Variants in RFTN1 observed in about 807,000 individuals in gnomAD.
RFTN1 encodes raftlin.
RFTN1 carries 26 observed loss-of-function variants against 46.5 expected under a neutral mutation model. That is an observed-to-expected ratio of 0.56 (90% CI 0.41 to 0.78). The LOEUF is 0.78. Ranked by LOEUF, RFTN1 falls within the 30% of genes least tolerant of loss-of-function variation. RFTN1 has a pLI of 0.00. For missense variants in RFTN1, 693 were observed against 718.7 expected (o/e 0.96, Z 0.41); for synonymous variants, 261 against 284.2 (o/e 0.92, Z 0.82).
intron 3 of RFTN1, among the ~76,000 whole-genome samples, chr3:16,417,445 G>A (rs1313680259): frequency 6.6e-6 from 1 of 152,150 alleles, no homozygotes; most frequent in East Asian, 1.9e-4. Context: ...AAGTAGATTT[G>A]GACACTGAGC....
chr3:16,485,622 T>C (rs2076436685), intron 2 of RFTN1, among the ~76,000 whole-genome samples: 1 of 152,210 alleles, frequency 6.6e-6, no homozygotes, highest in Non-Finnish European at 1.5e-5. Flanking sequence ...AGATCAGCAG[T>C]TGGCTGGGTC....
At chr3:16,330,639 G>A (rs1404541014) in intron 7 of RFTN1, among the ~76,000 whole-genome samples, 1 of 152,228 alleles carries the variant, frequency 6.6e-6, no homozygotes, top group Non-Finnish European at 1.5e-5. Context: ...CACACCTGGA[G>A]TGTTAAAAAA....
At position 16,327,354 on chromosome 3, in the gene RFTN1, G is replaced by A. The variant is rs910030326; in HGVS notation, c.1147-478C>T. On this transcript the variant is annotated intron_variant, in intron 7 of 9. Coordinates refer to ENST00000334133, the MANE Select transcript of RFTN1 (RefSeq NM_015150.2). This position sits in a 1 kb window ranked among gnomAD's most constrained non-coding sequence, Gnocchi z 4.2. ...TGCACATCCACATGTGTGTGTACAC[G>A]CAGAAGCTGCTTTGCCTGTGTTATG... Among the ~76,000 whole-genome samples the A allele has an allele frequency of 4.6e-5, 7 of 152,182 alleles. No individual in the cohort carries two copies. The highest frequency in any genetic ancestry group is 1.2e-4 in the African/African-American group (5 of 41,458).
At position 16,358,430 on chromosome 3, in the gene RFTN1, G is replaced by GTT. The variant is rs11456149; in HGVS notation, c.1031-385_1031-384dup. 1.1e-3 allele frequency among the ~76,000 whole-genome samples: 164 copies of GTT among 149,174 alleles called. 1 individual carries two copies. Among genetic ancestry groups the GTT allele is most frequent in the Middle Eastern group, 3.5e-3 (1 of 284 alleles). Reference sequence around the variant, plus strand: ...AGAAGCAAACTATATTTAGGTGAGGGTTTTTTTTTTCTTTTTTCTTTTTTT... The same window carrying GTT: ...AGAAGCAAACTATATTTAGGTGAGGGTTTTTTTTTTTTCTTTTTTCTTTTTTT... On this transcript the variant is annotated intron_variant, in intron 6 of 9. Transcript: ENST00000334133.
intron 4 of RFTN1, among the ~76,000 whole-genome samples, chr3:16,386,328 C>T (rs1377828394): frequency 3.3e-5 from 5 of 152,210 alleles, no homozygotes; most frequent in African/African-American, 7.2e-5. Context: ...TTACTGAGAG[C>T]TTACTGTATG....
rs2074960370 is a variant in RFTN1 at position 16,410,381 on chromosome 3, T to TATGTGG, written c.333-904_333-899dup. Among the ~76,000 whole-genome samples, 1 of 151,890 alleles carries TATGTGG rather than the reference T, an allele frequency of 6.6e-6. No individual in the cohort carries two copies. The highest frequency in any genetic ancestry group is 1.5e-5 in the Non-Finnish European group (1 of 67,960). On this transcript the variant is annotated intron_variant, in intron 3 of 9. Coordinates refer to ENST00000334133, the MANE Select transcript of RFTN1 (RefSeq NM_015150.2). This position sits in a 1 kb window ranked among gnomAD's most constrained non-coding sequence, Gnocchi z 4.6. The stretch of plus-strand genomic sequence containing the variant: ...GTACCCCTGGGGAATGGGGAAGGCT[T>TATGTGG]ATGTGGATGGGGATGGGGATGGGTG...
At chr3:16,357,166 G>T (rs933973722) in intron 7 of RFTN1, among the ~76,000 whole-genome samples, 1 of 149,544 alleles carries the variant, frequency 6.7e-6, no homozygotes. Flanking sequence ...AAAAAACCAA[G>T]AATTCAGTTC....
At position 16,346,703 on chromosome 3, in the gene RFTN1, C is replaced by T. The variant is rs1386575618; in HGVS notation, c.1146+11229G>A. Among the ~76,000 whole-genome samples the T allele has an allele frequency of 6.6e-6, 1 of 152,176 alleles. No homozygotes were observed. The stretch of plus-strand genomic sequence containing the variant: ...TCTCTGTTGTGGGTTTCTGGGAAAG[C>T]TTTTACTTGCTAATAAAAAGGGACG... On this transcript the variant is annotated intron_variant, in intron 7 of 9. Transcript: ENST00000334133. The surrounding 1 kb of genome is among the most constrained non-coding windows in gnomAD (Gnocchi z 4.4).
In RFTN1 at chr3:16,353,932, T is replaced by G. The variant is rs376409892; in HGVS notation, c.1146+4000A>C. The stretch of plus-strand genomic sequence containing the variant: ...CGTTTAATCCGTCTAGTCTGGTATT[T>G]TGTTATGGCAGCCCAAGCAGACTAA... On this transcript the variant is annotated intron_variant, in intron 7 of 9. Transcript: ENST00000334133. The surrounding 1 kb of genome is among the most constrained non-coding windows in gnomAD (Gnocchi z 5.4). Among the ~76,000 whole-genome samples, 1 of 152,200 alleles carries G rather than the reference T, an allele frequency of 6.6e-6. No individual in the cohort carries two copies.
chr3:16,326,592 T>A (rs954841145), intron 8 of RFTN1, among the ~76,000 whole-genome samples, 181 bp downstream of exon 8: 1 of 152,170 alleles, frequency 6.6e-6, no homozygotes. Flanking sequence ...GGGAGTTCTC[T>A]GGGTGACGGT....
At chr3:16,505,341 C>T (rs1192645396) in intron 1 of RFTN1, among the ~76,000 whole-genome samples, 1 of 152,202 alleles carries the variant, frequency 6.6e-6, no homozygotes, top group Non-Finnish European at 1.5e-5. Flanking sequence ...CCAGGCACCA[C>T]CCTTTTCCTC....
At chr3:16,415,430 T>TATACACACACACACACACACAC in intron 3 of RFTN1, among the ~76,000 whole-genome samples, 1 of 114,274 alleles carries the variant, frequency 8.8e-6, no homozygotes, top group African/African-American at 2.7e-5. Context: ...TATATATATA[T>TATACACACACACACACACACAC]ACACACACAC....
chr3:16,491,036 T>C (rs1331830496), intron 2 of RFTN1, among the ~76,000 whole-genome samples: 1 of 152,020 alleles, frequency 6.6e-6, no homozygotes, highest in Non-Finnish European at 1.5e-5. Flanking sequence ...TCTCTTCTAA[T>C]GAAGAAAGGC....
rs942101562 is a variant in RFTN1, at chr3:16,338,798, G to T, written c.1147-11922C>A. Among the ~76,000 whole-genome samples the T allele has an allele frequency of 6.6e-6, 1 of 152,154 alleles. No individual in the cohort carries two copies. The highest frequency in any genetic ancestry group is 1.5e-5 in the Non-Finnish European group (1 of 68,020). On this transcript the variant is annotated intron_variant, in intron 7 of 9. Transcript: ENST00000334133. The surrounding 1 kb of genome is among the most constrained non-coding windows in gnomAD (Gnocchi z 5.3). ...GAAAAGAGAAAAGGGATTGAAAAAA[G>T]GAGCTTTTCCAAAGTGTATAATTAA...
intron 2 of RFTN1, among the ~76,000 whole-genome samples, chr3:16,464,050 C>A (rs534183571): frequency 6.6e-6 from 1 of 152,044 alleles, no homozygotes; most frequent in Non-Finnish European, 1.5e-5. Context: ...CAGAAGATTA[C>A]TCAACACCCC....
chr3:16,413,379 C>T lies in RFTN1; in HGVS notation c.333-3896G>A, dbSNP rs145372437. 1.1e-4 allele frequency among the ~76,000 whole-genome samples: 16 copies of T among 152,322 alleles called. No homozygotes were observed. The East Asian group carries it at 2.3e-3, about 22-fold the overall frequency. ...CCACAGGACAAAGGAATAAATATTC[C>T]GCTATCAATCTAGTTTCTATGGAAG... On this transcript the variant is annotated intron_variant, in intron 3 of 9. Coordinates refer to ENST00000334133, the MANE Select transcript of RFTN1 (RefSeq NM_015150.2). This position sits in a 1 kb window ranked among gnomAD's most constrained non-coding sequence, Gnocchi z 4.7.
rs527881120 is a variant in RFTN1, at chr3:16,466,514, G to A, written c.145+27211C>T. Among the ~76,000 whole-genome samples the A allele has an allele frequency of 6.6e-6, 1 of 152,120 alleles. No homozygotes were observed. The highest frequency in any genetic ancestry group is 1.5e-5 in the Non-Finnish European group (1 of 68,028). ...CAGAGGATTCCTTCTGTTCTTTGAT[G>A]AACACTTAAGGCCGTTTCAGAGAAG... On this transcript the variant is annotated intron_variant, in intron 2 of 9. Transcript: ENST00000334133. This position sits in a 1 kb window ranked among gnomAD's most constrained non-coding sequence, Gnocchi z 5.6.
Position 16,332,451 on chromosome 3 carries a change from A to G in RFTN1, c.1147-5575T>C, listed in dbSNP as rs372844522. Among the ~76,000 whole-genome samples, 11 of 148,542 alleles carry G rather than the reference A, an allele frequency of 7.4e-5. 1 individual carries two copies. The highest frequency in any genetic ancestry group is 2.0e-4 in the East Asian group (1 of 5,098). On this transcript the variant is annotated intron_variant, in intron 7 of 9. Transcript: ENST00000334133. ...TTTTACAGCATCTTGTTTTTGCTTC[A>G]TGGATACATTTATTTTATCTCTTTA...
At chr3:16,476,721 C>A (rs1047179286) in intron 2 of RFTN1, among the ~76,000 whole-genome samples, 27 of 152,116 alleles carry the variant, frequency 1.8e-4, no homozygotes, top group Non-Finnish European at 1.8e-4. Flanking sequence ...TGGAGCAATG[C>A]CACAGTCGAA....
Sources: gnomAD v4.1 joint callset for allele counts (sites outside exome capture counted in the v4.1 genomes callset) on GRCh38, gnomAD v4.1.1 for gene constraint, Gnocchi (gnomAD v3.1) non-coding constraint, MANE v1.5 for transcripts, NCBI Gene and HGNC (gene_info 2026-07-23, HGNC 2026-07-21) for gene names.